Variants in LMAN2L observed in about 807,000 individuals in gnomAD.
LMAN2L encodes the protein lectin, mannose binding 2 like.
A neutral mutation model predicts 44.3 loss-of-function variants in LMAN2L; 30 were observed. The ratio of observed to expected loss-of-function variants is 0.68; its 90% confidence interval spans 0.51 to 0.92. The LOEUF (loss-of-function observed/expected upper bound fraction) is 0.92, where lower values mean the gene tolerates loss of function less well. Ranked by LOEUF, LMAN2L falls within the 40% of genes least tolerant of loss-of-function variation. The pLI is 0.00. For missense variants in LMAN2L, 429 were observed against 446.1 expected, an observed-to-expected ratio of 0.96 and a Z score of 0.35; for synonymous variants, 183 against 171.1, an observed-to-expected ratio of 1.07 and a Z score of -0.54.
intron 1 of LMAN2L, among the ~76,000 whole-genome samples, chr2:96,738,818 GTAA>G (rs1386537682): frequency 6.6e-6 from 1 of 151,482 alleles, no homozygotes; most frequent in Non-Finnish European, 1.5e-5. Context: ...TCGGCTCACT[GTAA>G]GCTCTGCCTC....
At chr2:96,734,681 AT>A (rs1401538234) in intron 2 of LMAN2L, 155 bp from the exon 3 acceptor site, 1 of 612,188 alleles carries the variant, frequency 1.6e-6, no homozygotes, top group Non-Finnish European at 2.9e-6. Context: ...TGTTCATGTC[AT>A]AAAATTAAAC....
intron 4 of LMAN2L, among the ~76,000 whole-genome samples, chr2:96,722,159 G>A (rs1027818597): frequency 2.6e-5 from 4 of 151,724 alleles, no homozygotes; most frequent in Admixed American, 6.6e-5. Flanking sequence ...TAGTAGAGAC[G>A]GGGTTTCATC....
At chr2:96,723,959 C>T (rs1245352429) in intron 4 of LMAN2L, among the ~76,000 whole-genome samples, 2 of 151,778 alleles carry the variant, frequency 1.3e-5, no homozygotes, top group African/African-American at 2.4e-5. Flanking sequence ...AATAGCCAGG[C>T]GTGGTGGCAG....
At chr2:96,729,381 G>A (rs972669578) in intron 4 of LMAN2L, among the ~76,000 whole-genome samples, 6 of 151,956 alleles carry the variant, frequency 3.9e-5, no homozygotes, top group Non-Finnish European at 5.9e-5. Context: ...CTCTAAGCCT[G>A]TTTACTCACT....
At chr2:96,713,681 A>G (rs2077976813) in intron 4 of LMAN2L, among the ~76,000 whole-genome samples, 1 of 152,228 alleles carries the variant, frequency 6.6e-6, no homozygotes, top group South Asian at 2.1e-4. Flanking sequence ...TTGAGAGACT[A>G]TGAAACTAAC....
At chr2:96,708,283 G>A (rs1558945634) in intron 6 of LMAN2L, among the ~76,000 whole-genome samples, 1 of 152,206 alleles carries the variant, frequency 6.6e-6, no homozygotes. Flanking sequence ...GTACTGCATC[G>A]TGTACTGTAT....
intron 4 of LMAN2L, among the ~76,000 whole-genome samples, chr2:96,727,597 GTTGCTATGAT>G (rs1444024481): frequency 6.6e-6 from 1 of 152,168 alleles, no homozygotes; most frequent in Non-Finnish European, 1.5e-5. Flanking sequence ...TGCATTACTG[GTTGCTATGAT>G]TTTCCCAATA....
chr2:96,713,184 G>T (rs538368902), intron 4 of LMAN2L: 12 of 1,513,374 alleles, frequency 7.9e-6, no homozygotes, highest in Non-Finnish European at 1.1e-5. Context: ...AGAGGGCACA[G>T]AAGACAGGAG....
In LMAN2L at chr2:96,711,390, G is replaced by A. The variant is rs528849854; in HGVS notation, c.784+266C>T. On this transcript the variant is annotated intron_variant, in intron 6 of 7. Transcript: ENST00000264963. ...AGAAATCAGAAAGCAAGGAACTCAC[G>A]ATACAGGCTAGAAGAGCCAGCTTAA... 3.9e-5 allele frequency among the ~76,000 whole-genome samples: 6 copies of A among 152,330 alleles called. No individual in the cohort carries two copies. The East Asian group carries it at 1.2e-3, about 29-fold the overall frequency.
At chr2:96,727,765 TCTTC>T (rs1052466715) in intron 4 of LMAN2L, among the ~76,000 whole-genome samples, 3 of 152,256 alleles carry the variant, frequency 2.0e-5, no homozygotes, top group African/African-American at 7.2e-5. Context: ...CTGCTCCTTG[TCTTC>T]CTTGTCTAGG....
At chr2:96,709,737 C>CCTA (rs1283008480) in intron 6 of LMAN2L, among the ~76,000 whole-genome samples, 7 of 152,192 alleles carry the variant, frequency 4.6e-5, no homozygotes, top group African/African-American at 1.7e-4. Context: ...TTTTCAACAA[C>CCTA]CTACTATACA....
intron 4 of LMAN2L, among the ~76,000 whole-genome samples, chr2:96,721,326 CTTTT>C (rs56023035): frequency 8.3e-5 from 7 of 84,594 alleles, no homozygotes; most frequent in Non-Finnish European, 1.1e-4. Flanking sequence ...TTCTTTCAGT[CTTTT>C]TTTTTTTTTT....
rs2078551548 is a variant in LMAN2L, at chr2:96,738,014, T to C, written c.241A>G (p.Met81Val). The change falls in exon 2 of 8, where the codon ATG (methionine) becomes GTG (valine). Residue 81 changes from methionine to valine, a missense_variant. Transcript: ENST00000264963. ...GGGGTAAGGCGGATATACTGGGTCATCACCATGGCATTGCCCATCAGATTC... is the reference window on the plus strand; with the variant it reads ...GGGGTAAGGCGGATATACTGGGTCACCACCATGGCATTGCCCATCAGATTC... ...LWNLMGNAMV[M>V]TQYIRLTPDM... 2 of 1,614,124 alleles carry C rather than the reference T, an allele frequency of 1.2e-6. No individual in the cohort carries two copies. The highest frequency in any genetic ancestry group is 1.7e-6 in the Non-Finnish European group (2 of 1,179,996).
rs781433638 is a variant in LMAN2L, at chr2:96,711,974, C to G, written c.559G>C (p.Asp187His). 6.2e-7 allele frequency: 1 copy of G among 1,614,180 alleles called. No individual in the cohort carries two copies. Among genetic ancestry groups the G allele is most frequent in the Admixed American group, 1.7e-5 (1 of 60,022 alleles). The change falls in exon 5 of 8, where the codon GAT (aspartate) becomes CAT (histidine). Residue 187 changes from aspartate (D) to histidine (H), a missense_variant. Physicochemically the swap from Asp to His is moderately conservative, Grantham distance 81. Coordinates refer to ENST00000264963, the MANE Select transcript of LMAN2L (RefSeq NM_030805.4). ...GTAGGCCGCCCATCCCGCTCATGAT[C>G]ATAGCTGAGGGAGCCGTTGTTCACC... ...AMVNNGSLSY[D>H]HERDGRPTEL...
chr2:96,717,029 A>G (rs2078053395), intron 4 of LMAN2L, among the ~76,000 whole-genome samples: 1 of 152,128 alleles, frequency 6.6e-6, no homozygotes, highest in Admixed American at 6.5e-5. Context: ...AGATTAGATA[A>G]TGGTATTGTT....
At chr2:96,733,066 T>C (rs930535642) in intron 4 of LMAN2L, among the ~76,000 whole-genome samples, 4 of 152,080 alleles carry the variant, frequency 2.6e-5, no homozygotes, top group South Asian at 2.1e-4. Context: ...GCCTTTTCTA[T>C]AGGCGAGGAG....
Position 96,738,071 on chromosome 2 carries a change from C to A in LMAN2L, c.188-4G>T, listed in dbSNP as rs773247877. ...GAGGAACTGCCTGTGCCCACACCTA[C>A]AGGAAGGAAGTAGATCAGTTCATAC... On this transcript the variant is annotated splice_polypyrimidine_tract_variant and splice_region_variant and intron_variant, in intron 1 of 7. Transcript: ENST00000264963. The A allele has an allele frequency of 7.5e-6, 12 of 1,602,608 alleles. No homozygotes were observed. The highest frequency in any genetic ancestry group is 6.8e-6 in the Non-Finnish European group (8 of 1,169,664).
At position 96,730,549 on chromosome 2, in the gene LMAN2L, T is replaced by C. The variant is rs370604656; in HGVS notation, c.507+2970A>G. Reference sequence around the variant, plus strand: ...CATGCCGAGGCTACAGTGTTAATATTGTAGAATGCAAGGTGAACAGCAGCC... The same window carrying C: ...CATGCCGAGGCTACAGTGTTAATATCGTAGAATGCAAGGTGAACAGCAGCC... On this transcript the variant is annotated intron_variant, in intron 4 of 7. Coordinates refer to ENST00000264963, the MANE Select transcript of LMAN2L (RefSeq NM_030805.4). Among the ~76,000 whole-genome samples the C allele has an allele frequency of 1.6e-4, 25 of 152,298 alleles. 2 individuals are homozygous for C. The highest frequency in any genetic ancestry group is 6.5e-4 in the Admixed American group (10 of 15,286).
intron 4 of LMAN2L, among the ~76,000 whole-genome samples, chr2:96,727,285 T>C (rs1182792694): frequency 2.0e-5 from 3 of 152,146 alleles, no homozygotes. Context: ...TTATATGTTG[T>C]TTGTCCTTTA....
Sources: gnomAD v4.1 joint callset for allele counts (sites outside exome capture counted in the v4.1 genomes callset) on GRCh38, gnomAD v4.1.1 for gene constraint, MANE v1.5 for transcripts, NCBI Gene and HGNC (gene_info 2026-07-23, HGNC 2026-07-21) for gene names.